Variants in ERBB4 observed in about 807,000 individuals in gnomAD.
ERBB4 encodes the protein erb-b2 receptor tyrosine kinase 4, also known as receptor tyrosine-protein kinase erbB-4.
ERBB4 carries 42 observed loss-of-function variants against 158.0 expected under a neutral mutation model. That is an observed-to-expected ratio of 0.27 (90% CI 0.21 to 0.34). The LOEUF is 0.34. ERBB4 is among the 10% of genes least tolerant of loss of function. The probability of loss-of-function intolerance (pLI) is 1.00; values close to 1 mark genes in which losing one functional copy is unlikely to be tolerated. For synonymous variants in ERBB4, 583 were observed against 558.7 expected (o/e 1.04, Z -0.61); for missense variants, 1,333 against 1,624.1 (o/e 0.82, Z 3.08).
intron 2 of ERBB4, among the ~76,000 whole-genome samples, chr2:212,110,401 G>A (rs999517554): frequency 5.9e-5 from 9 of 152,038 alleles, no homozygotes; most frequent in Admixed American, 3.3e-4. Context: ...TGCACCACAT[G>A]TTAGTTAGCT....
chr2:211,782,744 G>A (rs1048738396), intron 4 of ERBB4, among the ~76,000 whole-genome samples: 3 of 152,068 alleles, frequency 2.0e-5, no homozygotes, highest in Non-Finnish European at 2.9e-5. Flanking sequence ...CTCTGTTTTG[G>A]TACCAGTACC....
At chr2:211,943,617 T>G (rs1275696860) in intron 3 of ERBB4, among the ~76,000 whole-genome samples, 1 of 152,104 alleles carries the variant, frequency 6.6e-6, no homozygotes, top group Middle Eastern at 3.2e-3. Context: ...TCCTCACTCC[T>G]TTATAGATTG....
At chr2:212,135,491 T>C (rs1407130706) in intron 1 of ERBB4, among the ~76,000 whole-genome samples, 2 of 152,210 alleles carry the variant, frequency 1.3e-5, no homozygotes, top group Non-Finnish European at 2.9e-5. Context: ...CATATATATA[T>C]ATTCTGTCTT....
intron 3 of ERBB4, among the ~76,000 whole-genome samples, chr2:211,820,476 G>A (rs892804478): frequency 4.0e-5 from 6 of 151,704 alleles, no homozygotes; most frequent in African/African-American, 1.5e-4. Flanking sequence ...AAGACCAATG[G>A]CCTCATCACT....
chr2:211,711,961 T>C, intron 9 of ERBB4, 89 bp downstream of exon 9: 1 of 1,152,248 alleles, frequency 8.7e-7, no homozygotes, highest in South Asian at 1.3e-5. Context: ...CTCTTCAGCT[T>C]CCAGAGGAAT....
intron 20 of ERBB4, among the ~76,000 whole-genome samples, chr2:211,467,237 C>T (rs185461334): frequency 4.6e-4 from 70 of 152,176 alleles, no homozygotes; most frequent in Middle Eastern, 3.4e-3. Context: ...GCAGAATGAG[C>T]GTTAATCGGA....
chr2:212,147,675 A>G (rs1392589259), intron 1 of ERBB4, among the ~76,000 whole-genome samples: 1 of 152,204 alleles, frequency 6.6e-6, no homozygotes, highest in Non-Finnish European at 1.5e-5. Flanking sequence ...GTATGTATTG[A>G]AAATCTACTT....
chr2:212,116,385 T>C (rs2079572339), intron 2 of ERBB4, among the ~76,000 whole-genome samples: 2 of 152,202 alleles, frequency 1.3e-5, no homozygotes, highest in South Asian at 2.1e-4. Context: ...ATTTTATTTA[T>C]AGTTTTTTAA....
At chr2:211,877,698 T>C (rs2078545185) in intron 3 of ERBB4, among the ~76,000 whole-genome samples, 4 of 152,268 alleles carry the variant, frequency 2.6e-5, no homozygotes, top group Middle Eastern at 6.8e-3. Flanking sequence ...GTATAGGAAA[T>C]AAATACCTGA....
At chr2:211,524,483 A>G (rs553884054) in intron 20 of ERBB4, among the ~76,000 whole-genome samples, 14,325 of 145,656 alleles carry the variant, frequency 0.098, 1,505 homozygotes, top group African/African-American at 0.23. Flanking sequence ...GTGGGTGGGA[A>G]GGTCAGGCAT....
At chr2:212,030,507 G>A (rs188872653) in intron 2 of ERBB4, among the ~76,000 whole-genome samples, 108 of 152,266 alleles carry the variant, frequency 7.1e-4, no homozygotes, top group African/African-American at 2.3e-3. Flanking sequence ...CAGAAGCCAA[G>A]CCTGAATCAA....
chr2:211,850,171 T>C (rs1406789846), intron 3 of ERBB4, among the ~76,000 whole-genome samples: 1 of 151,930 alleles, frequency 6.6e-6, no homozygotes, highest in Non-Finnish European at 1.5e-5. Flanking sequence ...GTAAGCAGTG[T>C]ATTGTAATAT....
At chr2:211,457,000 T>C (rs1486943373) in intron 20 of ERBB4, among the ~76,000 whole-genome samples, 1 of 152,236 alleles carries the variant, frequency 6.6e-6, no homozygotes, top group Non-Finnish European at 1.5e-5. Flanking sequence ...TTATATATGA[T>C]ACTTTGTTAT....
chr2:212,086,359 A>C (rs75044899), intron 2 of ERBB4, among the ~76,000 whole-genome samples: 1 of 95,902 alleles, frequency 1.0e-5, no homozygotes, highest in African/African-American at 3.3e-5. Context: ...TCTCCCCACC[A>C]AAAAAAAAAA....
intron 3 of ERBB4, among the ~76,000 whole-genome samples, chr2:211,875,793 T>C (rs2078483152): frequency 6.6e-6 from 1 of 152,168 alleles, no homozygotes; most frequent in Non-Finnish European, 1.5e-5. Context: ...GCATTTTTAA[T>C]ATTTTATACC....
intron 1 of ERBB4, among the ~76,000 whole-genome samples, chr2:212,281,947 ATAAAAC>A (rs1280971935): frequency 1.3e-5 from 2 of 151,900 alleles, no homozygotes; most frequent in East Asian, 3.9e-4. Context: ...CGATACGTTT[ATAAAAC>A]TAAAAGTCAA....
At position 212,003,182 on chromosome 2, in the gene ERBB4, AAAG is replaced by A. The variant is rs1414887864; in HGVS notation, c.235-55569_235-55567del. ...GAAAGAAAGAAAGAAAGAAAGAAAGAAAGAAAGAAAGAAAGAAAGAAAGACAGA... is the reference window on the plus strand; with the variant it reads ...GAAAGAAAGAAAGAAAGAAAGAAAGAAAAGAAAGAAAGAAAGAAAGACAGA... On this transcript the variant is annotated intron_variant, in intron 2 of 27. Transcript: ENST00000342788. 2.6e-4 allele frequency among the ~76,000 whole-genome samples: 15 copies of A among 58,154 alleles called. 1 individual carries two copies. Among genetic ancestry groups the A allele is most frequent in the Admixed American group, 5.9e-4 (3 of 5,080 alleles). 38.2% of individuals were successfully genotyped at this position (58,154 alleles called of 152,430 possible).
Position 211,929,995 on chromosome 2 carries a change from T to C in ERBB4, c.421+17435A>G, listed in dbSNP as rs138678468. Among the ~76,000 whole-genome samples, 1,123 of 152,322 alleles carry C rather than the reference T, an allele frequency of 7.4e-3. 10 individuals are homozygous for C. The highest frequency in any genetic ancestry group is 0.026 in the African/African-American group (1,070 of 41,590). The stretch of plus-strand genomic sequence containing the variant: ...GCTCAGTTCCAGGTATGTGTCAATA[T>C]TTATTTTTCTTTAGGAAACTTTGAA... On this transcript the variant is annotated intron_variant, in intron 3 of 27. Transcript: ENST00000342788.
At chr2:211,736,051 T>A (rs1187469141) in intron 5 of ERBB4, among the ~76,000 whole-genome samples, 1 of 151,126 alleles carries the variant, frequency 6.6e-6, no homozygotes. Context: ...TAGTCCTAGC[T>A]GCTTGGGAGG....
Sources: gnomAD v4.1 joint callset for allele counts (sites outside exome capture counted in the v4.1 genomes callset) on GRCh38, gnomAD v4.1.1 for gene constraint, MANE v1.5 for transcripts, NCBI Gene and HGNC (gene_info 2026-07-23, HGNC 2026-07-21) for gene names.